Variants in GRM8 observed in about 807,000 individuals in gnomAD.
The protein encoded by GRM8 is glutamate metabotropic receptor 8, also known as metabotropic glutamate receptor 8.
A neutral mutation model predicts 87.2 loss-of-function variants in GRM8; 47 were observed. The ratio of observed to expected loss-of-function variants is 0.54; its 90% CI spans 0.43 to 0.69. The LOEUF is 0.69. Ranked by LOEUF, GRM8 falls within the 30% of genes least tolerant of loss-of-function variation. The probability of loss-of-function intolerance (pLI) is 0.00; values close to 1 mark genes in which losing one functional copy is unlikely to be tolerated. For synonymous variants in GRM8, 396 were observed against 404.5 expected (o/e 0.98, Z 0.25); for missense variants, 1,019 against 1,139.2 (o/e 0.89, Z 1.52).
chr7:127,055,332 T>C (rs947629357), intron 3 of GRM8, among the ~76,000 whole-genome samples: 2 of 152,110 alleles, frequency 1.3e-5, no homozygotes, highest in Non-Finnish European at 2.9e-5. Context: ...AGAGGTCAAA[T>C]GAGAATTAAT....
intron 7 of GRM8, among the ~76,000 whole-genome samples, chr7:126,726,197 A>G (rs1387009837): frequency 1.3e-5 from 2 of 151,214 alleles, no homozygotes; most frequent in South Asian, 2.1e-4. Flanking sequence ...CCACTATATC[A>G]TGGTTATCAT....
chr7:126,630,017 A>C (rs1183966868), intron 7 of GRM8, among the ~76,000 whole-genome samples: 1 of 152,158 alleles, frequency 6.6e-6, no homozygotes, highest in African/African-American at 2.4e-5. Flanking sequence ...TGCCAAAATG[A>C]AATGCTAGCA....
intron 9 of GRM8, chr7:126,512,856 G>C (rs964559949): frequency 2.6e-5 from 4 of 152,112 alleles, no homozygotes; most frequent in Non-Finnish European, 5.9e-5. Context: ...GGAAATAGGT[G>C]CTGTTACTGG....
At chr7:126,903,385 A>T (rs1375934576) in intron 5 of GRM8, among the ~76,000 whole-genome samples, 3 of 151,974 alleles carry the variant, frequency 2.0e-5, no homozygotes, top group African/African-American at 7.2e-5. Flanking sequence ...GGATAAGCCC[A>T]GCATCATATA....
chr7:126,452,112 T>C (rs919900905), intron 9 of GRM8, among the ~76,000 whole-genome samples: 1 of 151,550 alleles, frequency 6.6e-6, no homozygotes, highest in South Asian at 2.1e-4. Context: ...CCATAAAAAA[T>C]GATGAGTTCA....
intron 3 of GRM8, among the ~76,000 whole-genome samples, chr7:127,069,567 G>A (rs1428037171): frequency 6.6e-6 from 1 of 152,196 alleles, no homozygotes; most frequent in Non-Finnish European, 1.5e-5. Flanking sequence ...CTGCCAGGGT[G>A]AGGACTGTAC....
intron 10 of GRM8, 194 bp downstream of exon 10, chr7:126,445,932 C>T: frequency 6.3e-6 from 4 of 637,902 alleles, no homozygotes; most frequent in South Asian, 5.8e-5. Flanking sequence ...AGTTTGTACT[C>T]TGTAGAACAG....
intron 9 of GRM8, among the ~76,000 whole-genome samples, chr7:126,489,832 T>C (rs1807796009): frequency 6.6e-6 from 1 of 152,028 alleles, no homozygotes; most frequent in Admixed American, 6.6e-5. Flanking sequence ...ATAAAGAAGA[T>C]CTGTCTTCAC....
chr7:126,873,067 G>A (rs35351503), intron 6 of GRM8, among the ~76,000 whole-genome samples: 57,016 of 151,820 alleles, frequency 0.38, 11,659 homozygotes, highest in Non-Finnish European at 0.45. Context: ...ACACACCTGC[G>A]CATACATACA....
intron 8 of GRM8, among the ~76,000 whole-genome samples, chr7:126,583,259 G>A (rs1314222398): frequency 1.3e-5 from 2 of 152,224 alleles, no homozygotes; most frequent in South Asian, 2.1e-4. Flanking sequence ...GGAAGGCTGA[G>A]GCAGGAAAAT....
intron 3 of GRM8, among the ~76,000 whole-genome samples, chr7:127,096,266 G>A (rs1480477771): frequency 1.3e-5 from 2 of 152,006 alleles, no homozygotes; most frequent in Non-Finnish European, 2.9e-5. Context: ...CTCCTTACAA[G>A]ATACAAATTG....
At chr7:127,130,687 T>G (rs1827640856) in intron 2 of GRM8, among the ~76,000 whole-genome samples, 1 of 152,104 alleles carries the variant, frequency 6.6e-6, no homozygotes, top group African/African-American at 2.4e-5. Flanking sequence ...AATTATATGG[T>G]TTAGCTCTGT....
intron 6 of GRM8, among the ~76,000 whole-genome samples, chr7:126,805,792 T>C (rs1446149149): frequency 6.6e-6 from 1 of 152,190 alleles, no homozygotes; most frequent in African/African-American, 2.4e-5. Flanking sequence ...TGTGTCGGAC[T>C]GTCTGAAAGC....
At chr7:126,594,789 C>A (rs1022718730) in intron 8 of GRM8, among the ~76,000 whole-genome samples, 4 of 151,912 alleles carry the variant, frequency 2.6e-5, no homozygotes, top group African/African-American at 9.7e-5. Flanking sequence ...TTAAGCATTC[C>A]ACAACGTATA....
At chr7:127,246,418 C>T (rs1325835837) in intron 1 of GRM8, among the ~76,000 whole-genome samples, 2 of 152,176 alleles carry the variant, frequency 1.3e-5, no homozygotes, top group East Asian at 3.8e-4. Flanking sequence ...GTGGCAGAAG[C>T]GGGGACTGTG....
At position 126,927,400 on chromosome 7, in the gene GRM8, G is replaced by C. The variant is rs1360748213; in HGVS notation, c.728-22717C>G. Among the ~76,000 whole-genome samples, 3 of 152,092 alleles carry C rather than the reference G, an allele frequency of 2.0e-5. No individual in the cohort carries two copies. In the South Asian group the frequency reaches 6.2e-4, roughly 31 times the overall value. ...AATCCTCCCTATTCAGCCTCCAAAA[G>C]TGGTGGGATTATAGGTGTGAGCCAC... On this transcript the variant is annotated intron_variant, in intron 3 of 10. Transcript: ENST00000339582.
chr7:126,782,927 T>A (rs1040176097), intron 6 of GRM8, among the ~76,000 whole-genome samples: 1 of 152,210 alleles, frequency 6.6e-6, no homozygotes, highest in East Asian at 1.9e-4. Context: ...GGTCGCAATC[T>A]GTCTGGGAGA....
chr7:126,783,261 C>T (rs944544941), intron 6 of GRM8, among the ~76,000 whole-genome samples: 1 of 152,108 alleles, frequency 6.6e-6, no homozygotes, highest in Non-Finnish European at 1.5e-5. Flanking sequence ...AATCTGGTAC[C>T]CAAATACATC....
intron 7 of GRM8, among the ~76,000 whole-genome samples, chr7:126,720,322 T>G (rs1812250434): frequency 6.6e-6 from 1 of 151,954 alleles, no homozygotes; most frequent in Non-Finnish European, 1.5e-5. Context: ...TTTAAATTTT[T>G]TTTTGTAGAG....
Sources: allele counts gnomAD v4.1 joint callset (sites outside exome capture counted in the v4.1 genomes callset), GRCh38; gene constraint gnomAD v4.1.1; transcripts MANE v1.5; gene names NCBI Gene and HGNC (gene_info 2026-07-23, HGNC 2026-07-21).